The following GRK5 variants were observed in gnomAD, a reference collection of about 807,000 sequenced individuals.
GRK5 encodes g protein-coupled receptor kinase GRK5.
GRK5 carries 40 observed loss-of-function variants against 78.4 expected under a neutral mutation model. The ratio of observed to expected loss-of-function variants is 0.51; its 90% CI spans 0.40 to 0.66. The LOEUF (loss-of-function observed/expected upper bound fraction) is 0.66. Among genes scored for constraint, GRK5 ranks in the 30% least tolerant of loss-of-function variants. The pLI is 0.00. For missense variants in GRK5, 598 were observed against 759.9 expected, an observed-to-expected ratio of 0.79 and a Z score of 2.50; for synonymous variants, 289 against 296.8, an observed-to-expected ratio of 0.97 and a Z score of 0.27.
At chr10:119,221,474 A>G (rs536088994) in intron 1 of GRK5, among the ~76,000 whole-genome samples, 9 of 152,342 alleles carry the variant, frequency 5.9e-5, no homozygotes, top group East Asian at 3.9e-4. Context: ...TGCTGTTTCA[A>G]TGGAATGCTG....
At chr10:119,424,241 T>G (rs1377658203) in intron 5 of GRK5, among the ~76,000 whole-genome samples, 1 of 152,186 alleles carries the variant, frequency 6.6e-6, no homozygotes, top group East Asian at 1.9e-4. Context: ...CTTTCAGGTT[T>G]GGCAGGACAC....
intron 15 of GRK5, 139 bp downstream of exon 15, chr10:119,453,415 G>C: frequency 1.0e-6 from 1 of 973,172 alleles, no homozygotes; most frequent in Non-Finnish European, 1.5e-6. Context: ...AAGGGCAACT[G>C]ATTATGTCCA....
At position 119,290,466 on chromosome 10, in the gene GRK5, C is replaced by T. The variant is rs528696503; in HGVS notation, c.53-36050C>T. Among the ~76,000 whole-genome samples, 19 of 152,032 alleles carry T rather than the reference C, an allele frequency of 1.2e-4. No homozygotes were observed. In the South Asian group the frequency reaches 3.9e-3, roughly 32 times the overall value. On this transcript the variant is annotated intron_variant, in intron 1 of 15. Coordinates refer to ENST00000392870, the MANE Select transcript of GRK5 (RefSeq NM_005308.3). ...TTCTTCTCTCGGACTTTTGCAATAG[C>T]CCCTAAAATGCTGTCCTCCTGGTTT...
intron 1 of GRK5, among the ~76,000 whole-genome samples, chr10:119,246,142 T>C (rs996061098): frequency 2.0e-5 from 3 of 152,064 alleles, no homozygotes; most frequent in Non-Finnish European, 4.4e-5. Context: ...CCTTTGGTCA[T>C]TGGTTCCAGG....
At chr10:119,303,246 G>A (rs1232503426) in intron 1 of GRK5, among the ~76,000 whole-genome samples, 1 of 152,236 alleles carries the variant, frequency 6.6e-6, no homozygotes, top group Non-Finnish European at 1.5e-5. Flanking sequence ...CTATACATGT[G>A]TAAACTAATA....
intron 1 of GRK5, among the ~76,000 whole-genome samples, chr10:119,273,325 T>G (rs953549875): frequency 2.6e-5 from 4 of 152,084 alleles, no homozygotes; most frequent in Non-Finnish European, 5.9e-5. Flanking sequence ...AAAGGGGGCT[T>G]TGATGGGGTC....
intron 1 of GRK5, among the ~76,000 whole-genome samples, chr10:119,218,351 C>T (rs2133705323): frequency 6.6e-6 from 1 of 152,286 alleles, no homozygotes. Context: ...AATTACCCAA[C>T]TGCTGGATGG....
intron 1 of GRK5, among the ~76,000 whole-genome samples, chr10:119,228,401 G>A (rs1026626551): frequency 6.8e-6 from 1 of 146,318 alleles, no homozygotes; most frequent in South Asian, 2.2e-4. Flanking sequence ...ACGTTATGGA[G>A]ATCTAGTTCG....
chr10:119,275,908 A>C (rs1849663020), intron 1 of GRK5, among the ~76,000 whole-genome samples: 1 of 152,174 alleles, frequency 6.6e-6, no homozygotes, highest in South Asian at 2.1e-4. Flanking sequence ...CTCGCTAAGC[A>C]ATACTGCAAA....
chr10:119,318,344 A>G (rs1393310731), intron 1 of GRK5, among the ~76,000 whole-genome samples: 6 of 152,242 alleles, frequency 3.9e-5, no homozygotes, highest in Non-Finnish European at 8.8e-5. Flanking sequence ...GGATTGAACT[A>G]GATGACATGT....
intron 4 of GRK5, among the ~76,000 whole-genome samples, chr10:119,398,041 A>C (rs1293772459): frequency 6.6e-6 from 1 of 152,238 alleles, no homozygotes; most frequent in Non-Finnish European, 1.5e-5. Context: ...GAATAGGGCT[A>C]GTTTGCTCTG....
intron 8 of GRK5, among the ~76,000 whole-genome samples, chr10:119,432,518 T>A (rs972609849): frequency 7.2e-5 from 11 of 152,182 alleles, no homozygotes; most frequent in Non-Finnish European, 1.6e-4. Flanking sequence ...CACAGAAGGA[T>A]ACACAATAAA....
intron 1 of GRK5, among the ~76,000 whole-genome samples, chr10:119,318,321 G>A (rs955301873): frequency 3.3e-4 from 50 of 152,154 alleles, no homozygotes; most frequent in African/African-American, 1.2e-3. Flanking sequence ...CCTACGTCAC[G>A]GGGGTGATGT....
At chr10:119,403,594 T>A (rs1852186762) in intron 4 of GRK5, among the ~76,000 whole-genome samples, 1 of 152,236 alleles carries the variant, frequency 6.6e-6, no homozygotes, top group Non-Finnish European at 1.5e-5. Flanking sequence ...AGTTATCTGC[T>A]CATCATTTGA....
rs200305868 is a variant in GRK5, at chr10:119,452,805, C to G, written c.1539C>G (p.Asn513Lys). ...STGSVSIPWQ[N>K]EMIETECFKE... ...GCTCTGTGTCCATCCCATGGCAAAA[C>G]GAGGTGAGCAGGGCAGACCACTTGC... Residue 513 changes from asparagine to lysine, a missense_variant, in exon 14 of 16, where the codon AAC (asparagine) becomes AAG (lysine). Physicochemically the swap from Asn to Lys is moderately conservative, Grantham distance 94 (BLOSUM62 0). Transcript: ENST00000392870. This position sits in a 1 kb window ranked among gnomAD's most constrained non-coding sequence, Gnocchi z 4.4. 4 of 1,387,934 alleles carry G rather than the reference C, an allele frequency of 2.9e-6. No homozygotes were observed. The highest frequency in any genetic ancestry group is 2.0e-4 in the Middle Eastern group (1 of 4,894). 86.0% of individuals were successfully genotyped at this position (1,387,934 alleles called of 1,614,324 possible). A position where few individuals can be genotyped will look rare whatever the true frequency, so the allele number is the denominator to read the frequency against.
In GRK5 at chr10:119,374,849, A is replaced by G. The variant is rs181683045; in HGVS notation, c.149-5966A>G. Among the ~76,000 whole-genome samples the G allele has an allele frequency of 1.3e-3, 204 of 152,180 alleles. 1 individual carries two copies. Among genetic ancestry groups the G allele is most frequent in the African/African-American group, 4.5e-3 (186 of 41,518 alleles). On this transcript the variant is annotated intron_variant, in intron 2 of 15. Transcript: ENST00000392870. ...CCTCCCCTTCAACTCTCCTCTGGCC[A>G]TGTGACATGCCTGCTCCTGCTTCAC...
intron 1 of GRK5, among the ~76,000 whole-genome samples, chr10:119,285,713 CA>C (rs1228639690): frequency 2.0e-5 from 3 of 152,090 alleles, no homozygotes; most frequent in Non-Finnish European, 4.4e-5. Context: ...GGAGCGGTGG[CA>C]GGCAAAAACT....
chr10:119,429,969 G>A (rs565569191), intron 6 of GRK5, among the ~76,000 whole-genome samples: 12 of 152,160 alleles, frequency 7.9e-5, no homozygotes, highest in Admixed American at 2.6e-4. Flanking sequence ...TTTGTGGGAC[G>A]CTGGTCCTCT....
At chr10:119,263,937 A>G (rs753194933) in intron 1 of GRK5, among the ~76,000 whole-genome samples, 13 of 152,084 alleles carry the variant, frequency 8.5e-5, no homozygotes, top group Non-Finnish European at 1.5e-4. Flanking sequence ...CAAAATAATA[A>G]TAATAATAAT....
Sources: gnomAD v4.1 joint callset for allele counts (sites outside exome capture counted in the v4.1 genomes callset) on GRCh38, gnomAD v4.1.1 for gene constraint, Gnocchi (gnomAD v3.1) non-coding constraint, MANE v1.5 for transcripts, NCBI Gene and HGNC (gene_info 2026-07-23, HGNC 2026-07-21) for gene names.